TMEM175: variants seen among roughly 807,000 people sequenced by gnomAD.
TMEM175 encodes endosomal/lysosomal proton channel TMEM175.
Under a neutral mutation model 36.5 loss-of-function variants are expected in TMEM175, and 36 were observed. The ratio of observed to expected loss-of-function variants is 0.99; its 90% CI spans 0.76 to 1.30. The LOEUF is 1.30. Among genes scored for constraint, TMEM175 ranks in the 50% most tolerant of loss-of-function variants. The pLI, the probability that TMEM175 is intolerant of heterozygous loss-of-function variation, is 0.00. For missense variants in TMEM175, 705 were observed against 692.8 expected, an observed-to-expected ratio of 1.02 and a Z score of -0.20; for synonymous variants, 339 against 313.4, an observed-to-expected ratio of 1.08 and a Z score of -0.86.
intron 10 of TMEM175, 84 bp from the exon 11 acceptor site, chr4:957,740 G>A: frequency 7.2e-7 from 1 of 1,384,298 alleles, no homozygotes; most frequent in South Asian, 1.4e-5. Context: ...GATCCAGGCA[G>A]CCCTGACAGG....
In TMEM175 at chr4:947,815, G is replaced by A. The variant is rs150597099; in HGVS notation, c.76G>A (p.Ala26Thr). ...CCCCCCAGGCAGGAGAGACGAGGAC[G>A]CTGGGGAGGGGATCCAGTGCTCCCA... Reference protein sequence around the residue: ...DCPPGRRDEDAGEGIQCSQRM... With the variant: ...DCPPGRRDEDTGEGIQCSQRM... Residue 26 changes from alanine to threonine, a missense_variant, in exon 2 of 11, where the codon GCT (alanine) becomes ACT (threonine). By Grantham distance (58) the Ala-to-Thr change is moderately conservative. Coordinates refer to ENST00000264771, the MANE Select transcript of TMEM175 (RefSeq NM_032326.4). The A allele has an allele frequency of 3.8e-5, 62 of 1,613,252 alleles. 1 individual carries two copies. In the African/African-American group the frequency reaches 4.4e-4, roughly 11 times the overall value.
intron 1 of TMEM175, among the ~76,000 whole-genome samples, chr4:942,584 C>T (rs971872681): frequency 1.1e-4 from 16 of 151,414 alleles, no homozygotes; most frequent in African/African-American, 3.9e-4. Context: ...GGAGTGCTCC[C>T]AATTTTGTTC....
At chr4:941,757 C>A (rs1483600478) in intron 1 of TMEM175, among the ~76,000 whole-genome samples, 1 of 151,714 alleles carries the variant, frequency 6.6e-6, no homozygotes, top group East Asian at 2.0e-4. Context: ...TTTCTATAAA[C>A]CTAAAACGGC....
intron 10 of TMEM175, among the ~76,000 whole-genome samples, chr4:957,233 G>A (rs879462449): frequency 6.6e-6 from 1 of 151,886 alleles, no homozygotes; most frequent in Non-Finnish European, 1.5e-5. Flanking sequence ...GGGGCTGCAT[G>A]AGGACCACTG....
intron 3 of TMEM175, 62 bp from the exon 4 acceptor site, chr4:950,359 C>A: frequency 7.4e-7 from 1 of 1,359,526 alleles, no homozygotes; most frequent in Non-Finnish European, 1.1e-6. Flanking sequence ...GGTGCTGTCT[C>A]GACTGCCATT....
chr4:955,721 T>C (rs1400135631), intron 9 of TMEM175, 34 bp from the exon 10 acceptor site: 1 of 1,603,744 alleles, frequency 6.2e-7, no homozygotes, highest in African/African-American at 1.3e-5. Flanking sequence ...ACATGGGGGG[T>C]TTGGCCAGCT....
chr4:957,838 C>A lies in TMEM175; in HGVS notation c.857C>A (p.Pro286Gln). ...LILDICEDNV[P>Q]DPKDVKERFS... Reference sequence around the variant, plus strand: ...ACTGTTCTCAGCGAAGACAACGTCCCGGACCCCAAGGATGTGAAGGAGAGG... The same window carrying A: ...ACTGTTCTCAGCGAAGACAACGTCCAGGACCCCAAGGATGTGAAGGAGAGG... Residue 286 changes from proline (P) to glutamine (Q), a missense_variant, in exon 11 of 11, where the codon CCG becomes CAG. Transcript: ENST00000264771. 4 of 1,609,224 alleles carry A rather than the reference C, an allele frequency of 2.5e-6. No homozygotes were observed. The highest frequency in any genetic ancestry group is 3.4e-6 in the Non-Finnish European group (4 of 1,177,972).
chr4:932,512 G>A lies in TMEM175; in HGVS notation c.-60G>A, dbSNP rs926875362. 2.2e-6 allele frequency: 1 copy of A among 461,192 alleles called. No individual in the cohort carries two copies. The highest frequency in any genetic ancestry group is 3.8e-6 in the Non-Finnish European group (1 of 265,958). The allele number at this position is 461,192 out of a possible 1,614,324, so 28.6% of individuals were successfully genotyped here. ...GGGCTGACTCAAGCGGAGGCGCGCG[G>A]AACAGTCGCCGAGGCGATTCCCGCC... On this transcript the variant is annotated 5_prime_UTR_variant, in exon 1 of 11. Transcript: ENST00000264771. This position sits in a 1 kb window ranked among gnomAD's most constrained non-coding sequence, Gnocchi z 4.0.
In TMEM175 at chr4:958,073, C is replaced by T; in HGVS notation, c.1092C>T (p.Ala364=). Residue 364 remains alanine, a synonymous_variant, in exon 11 of 11, where the codon GCC becomes GCT. Coordinates refer to ENST00000264771, the MANE Select transcript of TMEM175 (RefSeq NM_032326.4). Reference sequence around the variant, plus strand: ...CACTAGCCTACCAGCAGACCTCGGCCTTCGCCCGGCAGCCCCGCGATGAGC... The same window carrying T: ...CACTAGCCTACCAGCAGACCTCGGCTTTCGCCCGGCAGCCCCGCGATGAGC... ...GLPLAYQQTS[A]FARQPRDELE... 1 of 1,609,114 alleles carries T rather than the reference C, an allele frequency of 6.2e-7. No homozygotes were observed. Among genetic ancestry groups the T allele is most frequent in the Non-Finnish European group, 8.5e-7 (1 of 1,179,618 alleles).
At chr4:933,620 A>C (rs953754443) in intron 1 of TMEM175, among the ~76,000 whole-genome samples, 11 of 152,346 alleles carry the variant, frequency 7.2e-5, no homozygotes, top group African/African-American at 2.4e-4. Flanking sequence ...CCTTGAGGTA[A>C]GACACAGTCA....
At chr4:951,330 GGAGCAGCCGGCCTCTCTCGT>G in intron 5 of TMEM175, 72 bp downstream of exon 5, 1 of 1,557,782 alleles carries the variant, frequency 6.4e-7, no homozygotes, top group Non-Finnish European at 8.9e-7. Flanking sequence ...AGAGGGGAAG[GGAGCAGCCGGCCTCTCTCGT>G]GACCTCCAGG....
At chr4:934,186 A>C (rs1016917326) in intron 1 of TMEM175, among the ~76,000 whole-genome samples, 54 of 152,370 alleles carry the variant, frequency 3.5e-4, no homozygotes, top group African/African-American at 1.1e-3. Context: ...CTAGAGACAG[A>C]TATCTGGGCA....
intron 8 of TMEM175, 31 bp from the exon 9 acceptor site, chr4:955,374 G>A (rs1319463583): frequency 3.8e-6 from 6 of 1,591,274 alleles, no homozygotes; most frequent in Non-Finnish European, 5.2e-6. Context: ...CCCCTGTGGA[G>A]GGCACTGACC....
At chr4:954,896 T>G (rs1028437715) in intron 8 of TMEM175, among the ~76,000 whole-genome samples, 1 of 152,202 alleles carries the variant, frequency 6.6e-6, no homozygotes, top group African/African-American at 2.4e-5. Context: ...GCATGTTTTG[T>G]TTGGAGCAAT....
intron 3 of TMEM175, among the ~76,000 whole-genome samples, chr4:950,100 G>A (rs1728671166): frequency 6.6e-6 from 1 of 151,256 alleles, no homozygotes; most frequent in Admixed American, 6.6e-5. Flanking sequence ...CCCCCAGCAG[G>A]AACACAGCCC....
chr4:952,403 G>A lies in TMEM175; in HGVS notation c.415G>A (p.Gly139Ser). ...GGTGACCTTCCCTGATGTGCCTCTGGGCATCTTCTTGTTCTGTGTGTGTGT... is the reference window on the plus strand; with the variant it reads ...GGTGACCTTCCCTGATGTGCCTCTGAGCATCTTCTTGTTCTGTGTGTGTGT... ...LMVTFPDVPL[G>S]IFLFCVCVIA... The change falls in exon 7 of 11, where the codon GGC becomes AGC. Residue 139 changes from glycine to serine, a missense_variant. Transcript: ENST00000264771. 6.2e-7 allele frequency: 1 copy of A among 1,611,820 alleles called. No homozygotes were observed. Among genetic ancestry groups the A allele is most frequent in the Non-Finnish European group, 8.5e-7 (1 of 1,179,976 alleles).
rs764539698 is a variant in TMEM175 at position 958,248 on chromosome 4, C to T, written c.1267C>T (p.Leu423=). The T allele has an allele frequency of 6.2e-7, 1 of 1,605,232 alleles. No homozygotes were observed. The highest frequency in any genetic ancestry group is 8.5e-7 in the Non-Finnish European group (1 of 1,178,370). Residue 423 remains leucine, a synonymous_variant, in exon 11 of 11, where the codon CTG becomes TTG. Transcript: ENST00000264771. The stretch of plus-strand genomic sequence containing the variant: ...GGAGCATGTGCTCATGTTCGCCAAG[C>T]TGGCGCTGTACCCCTGTGCCAGCCT... ...GREHVLMFAK[L]ALYPCASLLA...
intron 1 of TMEM175, among the ~76,000 whole-genome samples, chr4:940,736 G>A (rs1727343690): frequency 6.6e-6 from 1 of 151,932 alleles, no homozygotes; most frequent in Non-Finnish European, 1.5e-5. Context: ...GGCCAGACAT[G>A]GTGGCTCATG....
rs372726780 is a variant in TMEM175, at chr4:948,167, G to T, written c.192+13G>T. 2 of 1,614,014 alleles carry T rather than the reference G, an allele frequency of 1.2e-6. No homozygotes were observed. The highest frequency in any genetic ancestry group is 2.7e-5 in the African/African-American group (2 of 74,946). On this transcript the variant is annotated intron_variant, in intron 3 of 10. Coordinates refer to ENST00000264771, the MANE Select transcript of TMEM175 (RefSeq NM_032326.4). ...CTCCCCAGAACAGGTAACGGGGCAG[G>T]CTGTGCTCTGCGTGGTGTGGCCCTG...
Sources: gnomAD v4.1 joint callset for allele counts (sites outside exome capture counted in the v4.1 genomes callset) on GRCh38, gnomAD v4.1.1 for gene constraint, Gnocchi (gnomAD v3.1) non-coding constraint, MANE v1.5 for transcripts, NCBI Gene and HGNC (gene_info 2026-07-23, HGNC 2026-07-21) for gene names.